SLC7A6: variants seen among roughly 807,000 people sequenced by gnomAD.
SLC7A6 encodes the protein solute carrier family 7 member 6.
SLC7A6 carries 29 observed loss-of-function variants against 46.6 expected under a neutral mutation model. That is an observed-to-expected ratio of 0.62 (90% confidence interval 0.46 to 0.85). The LOEUF (loss-of-function observed/expected upper bound fraction) is 0.85. Among genes scored for constraint, SLC7A6 ranks in the 40% least tolerant of loss-of-function variants. SLC7A6 has a pLI of 0.00. For synonymous variants in SLC7A6, 276 were observed against 257.3 expected (o/e 1.07, Z -0.70); for missense variants, 527 against 647.6 (o/e 0.81, Z 2.02).
chr16:68,286,849 C>T (rs958799840), intron 3 of SLC7A6, among the ~76,000 whole-genome samples: 1 of 152,102 alleles, frequency 6.6e-6, no homozygotes, highest in Non-Finnish European at 1.5e-5. Context: ...GGAATGTGAA[C>T]TTAGAAATGG....
intron 2 of SLC7A6, among the ~76,000 whole-genome samples, chr16:68,269,258 G>A (rs1337888011): frequency 6.6e-6 from 1 of 151,942 alleles, no homozygotes; most frequent in Admixed American, 6.6e-5. Context: ...CTCTCAATAT[G>A]GTCCTATTGA....
intron 2 of SLC7A6, among the ~76,000 whole-genome samples, chr16:68,268,784 T>C (rs1433830101): frequency 6.6e-6 from 1 of 152,180 alleles, no homozygotes; most frequent in South Asian, 2.1e-4. Flanking sequence ...GGCAGGCGGA[T>C]CACCTGAGGT....
At chr16:68,273,160 T>C (rs1423910578) in intron 2 of SLC7A6, 1 of 151,986 alleles carries the variant, frequency 6.6e-6, no homozygotes, top group African/African-American at 2.4e-5. Flanking sequence ...AGGCAGGAGT[T>C]TTGGGTGGGG....
intron 3 of SLC7A6, among the ~76,000 whole-genome samples, chr16:68,281,482 G>C (rs959278641): frequency 6.6e-6 from 1 of 152,214 alleles, no homozygotes; most frequent in Non-Finnish European, 1.5e-5. Flanking sequence ...CAATAGTGCT[G>C]AGGTTGAGAA....
At chr16:68,294,941 T>G (rs1395080212) in intron 8 of SLC7A6, 140 bp downstream of exon 8, 3 of 606,578 alleles carry the variant, frequency 4.9e-6, no homozygotes, top group Admixed American at 6.3e-5. Flanking sequence ...TGTTGTCATT[T>G]AATTCTTTTA....
rs1199422820 is a variant in SLC7A6 at position 68,300,083 on chromosome 16, T to C, written c.*2755T>C. 3 of 152,172 alleles carry C rather than the reference T, an allele frequency of 2.0e-5. No individual in the cohort carries two copies. The highest frequency in any genetic ancestry group is 7.2e-5 in the African/African-American group (3 of 41,428). The allele number at this position is 152,172 out of a possible 1,614,324, so 9.4% of individuals were successfully genotyped here. On this transcript the variant is annotated 3_prime_UTR_variant, in exon 11 of 11. Coordinates refer to ENST00000219343, the MANE Select transcript of SLC7A6 (RefSeq NM_003983.6). Reference sequence around the variant, plus strand: ...AAGAGACACTCACAGGCTATGAGGGTACACCCCTAGCTGAATGTTCTGTGT... The same window carrying C: ...AAGAGACACTCACAGGCTATGAGGGCACACCCCTAGCTGAATGTTCTGTGT...
intron 3 of SLC7A6, among the ~76,000 whole-genome samples, chr16:68,277,316 T>TTTTATTTATTTA (rs71145991): frequency 0.21 from 28,309 of 135,698 alleles, 4,199 homozygotes; most frequent in African/African-American, 0.41. Flanking sequence ...AGAAGAGTAC[T>TTTTATTTATTTA]TTTATTTATT....
At chr16:68,286,992 CT>C (rs202243477) in intron 3 of SLC7A6, among the ~76,000 whole-genome samples, 313 of 138,148 alleles carry the variant, frequency 2.3e-3, no homozygotes, top group Admixed American at 2.2e-3. Flanking sequence ...TCTTTTTCTC[CT>C]TTTTTTTTTT....
chr16:68,292,377 C>T (rs2043075735), intron 7 of SLC7A6: 1 of 152,250 alleles, frequency 6.6e-6, no homozygotes, highest in Non-Finnish European at 1.5e-5. Context: ...TCTTCTTCAG[C>T]AGTTTGCTCC....
chr16:68,266,980 G>A (rs1202945562), intron 2 of SLC7A6, among the ~76,000 whole-genome samples: 1 of 151,854 alleles, frequency 6.6e-6, no homozygotes, highest in African/African-American at 2.4e-5. Context: ...TGTCACCCAG[G>A]CTGGGGTGTG....
Position 68,294,692 on chromosome 16 carries a change from C to G in SLC7A6, c.1023-13C>G, listed in dbSNP as rs2043126665. 1.9e-6 allele frequency: 3 copies of G among 1,583,788 alleles called. No homozygotes were observed. On this transcript the variant is annotated splice_polypyrimidine_tract_variant and intron_variant, in intron 7 of 10. Coordinates refer to ENST00000219343, the MANE Select transcript of SLC7A6 (RefSeq NM_003983.6). The stretch of plus-strand genomic sequence containing the variant: ...AGTAAAGGATCCTGCTGACACATTT[C>G]TCATCCTTCTAGGTTGTTCTTCGTG...
chr16:68,266,217 G>A (rs548422661), intron 1 of SLC7A6, among the ~76,000 whole-genome samples: 6 of 152,082 alleles, frequency 3.9e-5, no homozygotes, highest in African/African-American at 7.2e-5. Context: ...CCAAGATTGC[G>A]CCATTGCACT....
chr16:68,301,370 T>C lies in SLC7A6; in HGVS notation c.*4042T>C, dbSNP rs753149270. 70 of 1,614,028 alleles carry C rather than the reference T, an allele frequency of 4.3e-5. No individual in the cohort carries two copies. Among genetic ancestry groups the C allele is most frequent in the Non-Finnish European group, 5.8e-5 (68 of 1,180,006 alleles). On this transcript the variant is annotated 3_prime_UTR_variant, in exon 11 of 11. Coordinates refer to ENST00000219343, the MANE Select transcript of SLC7A6 (RefSeq NM_003983.6). ...CACATCCGCTGTCTGCTGCTGCCTC[T>C]TTCCTCCTCACTCAGGCTGTTGTAG...
intron 3 of SLC7A6, among the ~76,000 whole-genome samples, chr16:68,285,923 T>A (rs2042921321): frequency 6.6e-6 from 1 of 151,512 alleles, no homozygotes; most frequent in Non-Finnish European, 1.5e-5. Flanking sequence ...AAGACCCCTG[T>A]CTCTACAAAA....
At chr16:68,294,920 A>G (rs943956746) in intron 8 of SLC7A6, 119 bp downstream of exon 8, 7 of 660,712 alleles carry the variant, frequency 1.1e-5, no homozygotes, top group East Asian at 5.5e-5. Flanking sequence ...TGTGAAAAAC[A>G]GTTCATTTTT....
At chr16:68,290,662 C>A in intron 5 of SLC7A6, 122 bp downstream of exon 5, 1 of 1,196,420 alleles carries the variant, frequency 8.4e-7, no homozygotes, top group South Asian at 1.3e-5. Flanking sequence ...CCCTACTCCC[C>A]CTTCTCCAGC....
chr16:68,266,056 C>T (rs1402536281), intron 1 of SLC7A6, among the ~76,000 whole-genome samples: 3 of 151,944 alleles, frequency 2.0e-5, no homozygotes, highest in East Asian at 1.9e-4. Context: ...GTCAGGAGAT[C>T]GAGACCATCC....
chr16:68,291,069 C>T, intron 5 of SLC7A6, 140 bp from the exon 6 acceptor site: 1 of 1,020,560 alleles, frequency 9.8e-7, no homozygotes, highest in Non-Finnish European at 1.5e-6. Flanking sequence ...AACCCAGGGT[C>T]AAGGGGAAGG....
chr16:68,278,348 C>T (rs1272646068), intron 3 of SLC7A6, among the ~76,000 whole-genome samples: 3 of 150,256 alleles, frequency 2.0e-5, no homozygotes, highest in Non-Finnish European at 4.4e-5. Context: ...GTGTTTCTCG[C>T]AGAGGGGGAT....
Sources: allele counts gnomAD v4.1 joint callset (sites outside exome capture counted in the v4.1 genomes callset), GRCh38; gene constraint gnomAD v4.1.1; transcripts MANE v1.5; gene names NCBI Gene and HGNC (gene_info 2026-07-23, HGNC 2026-07-21).